ACSS3: variants seen among roughly 807,000 people sequenced by gnomAD.
The protein encoded by ACSS3 is acyl-CoA synthetase short chain family member 3, also known as acyl-CoA synthetase short-chain family member 3, mitochondrial.
In ACSS3, 64 loss-of-function variants were observed where a neutral mutation model predicts 84.2. The observed-to-expected ratio is 0.76, with a 90% CI of 0.62 to 0.94. The LOEUF (loss-of-function observed/expected upper bound fraction) is 0.94, where lower values mean the gene tolerates loss of function less well. Ranked by LOEUF, ACSS3 falls within the 40% of genes least tolerant of loss-of-function variation. ACSS3 has a pLI of 0.00. For missense variants in ACSS3, 815 were observed against 867.6 expected (o/e 0.94, Z 0.76); for synonymous variants, 317 against 310.1 (o/e 1.02, Z -0.23).
intron 1 of ACSS3, among the ~76,000 whole-genome samples, chr12:81,087,390 G>A (rs1028421131): frequency 6.6e-6 from 1 of 151,564 alleles, no homozygotes; most frequent in South Asian, 2.1e-4. Flanking sequence ...TGAAGAAGAA[G>A]GAGCAGGAGA....
intron 11 of ACSS3, among the ~76,000 whole-genome samples, chr12:81,227,137 C>G (rs184973343): frequency 4.3e-4 from 65 of 151,974 alleles, no homozygotes; most frequent in African/African-American, 1.5e-3. Flanking sequence ...TAGTTTGAGT[C>G]TGAAGGCAGA....
intron 8 of ACSS3, among the ~76,000 whole-genome samples, chr12:81,178,207 C>T (rs2135831199): frequency 6.7e-6 from 1 of 150,252 alleles, no homozygotes; most frequent in South Asian, 2.1e-4. Flanking sequence ...AGTAAACTAT[C>T]TCAAGGACAA....
chr12:81,242,247 A>G (rs2135993650), intron 13 of ACSS3, among the ~76,000 whole-genome samples: 1 of 152,348 alleles, frequency 6.6e-6, no homozygotes, highest in African/African-American at 2.4e-5. Context: ...CAAATAAACT[A>G]GAAAATCTAG....
chr12:81,187,271 G>T (rs2031321265), intron 8 of ACSS3, among the ~76,000 whole-genome samples: 1 of 151,850 alleles, frequency 6.6e-6, no homozygotes, highest in South Asian at 2.1e-4. Context: ...CAGCAGGTAT[G>T]TAGGATGAAC....
chr12:81,217,012 G>A lies in ACSS3; in HGVS notation c.1450+16G>A. ...GGATACAATGGTAAGGAATGACCCTGATAATACGTAAAGTTAATAAATTTG... is the reference window on the plus strand; with the variant it reads ...GGATACAATGGTAAGGAATGACCCTAATAATACGTAAAGTTAATAAATTTG... On this transcript the variant is annotated intron_variant, in intron 10 of 15. Coordinates refer to ENST00000548058, the MANE Select transcript of ACSS3 (RefSeq NM_024560.4). 4 of 1,589,418 alleles carry A rather than the reference G, an allele frequency of 2.5e-6. No individual in the cohort carries two copies. Among genetic ancestry groups the A allele is most frequent in the Non-Finnish European group, 1.7e-6 (2 of 1,159,270 alleles).
intron 2 of ACSS3, among the ~76,000 whole-genome samples, chr12:81,123,608 C>G (rs918063932): frequency 6.6e-6 from 1 of 150,614 alleles, no homozygotes; most frequent in African/African-American, 2.5e-5. Flanking sequence ...GTTCTCACCC[C>G]CCTCTCACCC....
intron 9 of ACSS3, among the ~76,000 whole-genome samples, chr12:81,212,294 C>A (rs949769725): frequency 6.6e-6 from 1 of 152,186 alleles, no homozygotes; most frequent in Non-Finnish European, 1.5e-5. Flanking sequence ...GTTCTAACAA[C>A]AGCACCTAGC....
intron 2 of ACSS3, among the ~76,000 whole-genome samples, chr12:81,121,995 G>A (rs1199707051): frequency 6.6e-6 from 1 of 151,492 alleles, no homozygotes; most frequent in African/African-American, 2.4e-5. Context: ...GTGCAGTGGC[G>A]TGATCTTGGC....
At chr12:81,228,308 A>G (rs1241269134) in intron 11 of ACSS3, among the ~76,000 whole-genome samples, 1 of 151,770 alleles carries the variant, frequency 6.6e-6, no homozygotes, top group African/African-American at 2.4e-5. Flanking sequence ...GTTATTCTTA[A>G]TCCCCAGGGT....
At chr12:81,209,928 A>G (rs986030947) in intron 9 of ACSS3, among the ~76,000 whole-genome samples, 7 of 152,186 alleles carry the variant, frequency 4.6e-5, no homozygotes, top group African/African-American at 1.7e-4. Flanking sequence ...TATAATTAGC[A>G]TATAATGAGC....
At chr12:81,209,879 A>C (rs1015940456) in intron 9 of ACSS3, among the ~76,000 whole-genome samples, 2 of 152,180 alleles carry the variant, frequency 1.3e-5, no homozygotes, top group South Asian at 2.1e-4. Context: ...TTGTAAACTC[A>C]TGGCACTGGT....
intron 10 of ACSS3, 91 bp downstream of exon 10, chr12:81,217,087 G>T (rs1005935555): frequency 5.2e-6 from 5 of 954,306 alleles, no homozygotes; most frequent in Non-Finnish European, 7.9e-6. Flanking sequence ...CAAACTAGGG[G>T]CTTAATTAGA....
intron 1 of ACSS3, among the ~76,000 whole-genome samples, chr12:81,082,549 G>A (rs1565965979): frequency 6.6e-6 from 1 of 152,158 alleles, no homozygotes; most frequent in Admixed American, 6.6e-5. Flanking sequence ...GACATGTTTA[G>A]TAAGTTCCAG....
chr12:81,109,338 T>A (rs1199583695), intron 1 of ACSS3, among the ~76,000 whole-genome samples: 1 of 152,120 alleles, frequency 6.6e-6, no homozygotes. Context: ...AGGTATGTAT[T>A]TTTTTAGTGC....
intron 8 of ACSS3, among the ~76,000 whole-genome samples, chr12:81,190,618 G>T (rs1593178455): frequency 6.6e-6 from 1 of 151,738 alleles, no homozygotes; most frequent in Non-Finnish European, 1.5e-5. Flanking sequence ...TTATTCCTAG[G>T]ATCCTCCAGT....
At chr12:81,086,724 C>T (rs1881338912) in intron 1 of ACSS3, among the ~76,000 whole-genome samples, 1 of 152,202 alleles carries the variant, frequency 6.6e-6, no homozygotes, top group South Asian at 2.1e-4. Flanking sequence ...TGTTCTTCTT[C>T]TTCTTTTTAT....
intron 1 of ACSS3, among the ~76,000 whole-genome samples, chr12:81,107,537 T>C (rs1357923804): frequency 2.0e-4 from 23 of 117,562 alleles, no homozygotes; most frequent in Admixed American, 6.6e-4. Flanking sequence ...TATATATATA[T>C]ATATATATAT....
chr12:81,134,652 A>G (rs773250814), intron 2 of ACSS3, 164 bp from the exon 3 acceptor site: 24 of 485,506 alleles, frequency 4.9e-5, no homozygotes, highest in Non-Finnish European at 8.2e-5. Flanking sequence ...AATTGTTATT[A>G]CTCTCACCAT....
At chr12:81,108,210 T>C (rs1422252610) in intron 1 of ACSS3, among the ~76,000 whole-genome samples, 1 of 151,138 alleles carries the variant, frequency 6.6e-6, no homozygotes. Context: ...TCATTTGACT[T>C]TGATTAAATG....
Sources: allele counts gnomAD v4.1 joint callset (sites outside exome capture counted in the v4.1 genomes callset), GRCh38; gene constraint gnomAD v4.1.1; transcripts MANE v1.5; gene names NCBI Gene and HGNC (gene_info 2026-07-23, HGNC 2026-07-21).